RBM47: variants seen among roughly 807,000 people sequenced by gnomAD.
RBM47 encodes RNA-binding protein 47.
In RBM47, 21 loss-of-function variants were observed where a neutral mutation model predicts 47.1. The observed-to-expected ratio is 0.45, with a 90% CI of 0.32 to 0.64. The LOEUF (loss-of-function observed/expected upper bound fraction) is 0.64. RBM47 is among the 30% of genes least tolerant of loss of function. The pLI, the probability that RBM47 is intolerant of heterozygous loss-of-function variation, is 0.05. For missense variants in RBM47, 708 were observed against 870.9 expected (o/e 0.81, Z 2.35); for synonymous variants, 375 against 361.7 (o/e 1.04, Z -0.42).
At chr4:40,577,247 G>A (rs1046745573) in intron 1 of RBM47, among the ~76,000 whole-genome samples, 8 of 152,170 alleles carry the variant, frequency 5.3e-5, no homozygotes, top group Non-Finnish European at 7.3e-5. Context: ...TTCTGGGAAA[G>A]GGGCTGAACC....
intron 2 of RBM47, among the ~76,000 whole-genome samples, chr4:40,488,761 G>A (rs1470625622): frequency 6.6e-6 from 1 of 152,128 alleles, no homozygotes; most frequent in Admixed American, 6.5e-5. Context: ...CTCAGCAAAG[G>A]CCCATCTGAC....
intron 1 of RBM47, among the ~76,000 whole-genome samples, chr4:40,567,142 T>G (rs1490361085): frequency 6.6e-6 from 1 of 151,948 alleles, no homozygotes; most frequent in Non-Finnish European, 1.5e-5. Context: ...AATTAAGATT[T>G]GAGCCCAAAT....
upstream of RBM47, chr4:40,630,780 T>C (rs560176960): frequency 6.6e-6 from 1 of 152,156 alleles, no homozygotes; most frequent in African/African-American, 2.4e-5. Flanking sequence ...CCGCCTTACC[T>C]GTTTATACAA....
At chr4:40,611,450 G>A (rs1025525586) in intron 1 of RBM47, among the ~76,000 whole-genome samples, 6 of 151,984 alleles carry the variant, frequency 3.9e-5, no homozygotes, top group Admixed American at 1.3e-4. Context: ...CACATAGGCC[G>A]GGCACGGTGG....
chr4:40,470,613 TGC>T (rs1718715582), intron 2 of RBM47, among the ~76,000 whole-genome samples: 2 of 152,244 alleles, frequency 1.3e-5, no homozygotes. Context: ...CGGAAAAAGA[TGC>T]TCCAGTCTAA....
intron 2 of RBM47, among the ~76,000 whole-genome samples, chr4:40,481,896 G>T (rs182485908): frequency 6.6e-6 from 1 of 152,124 alleles, no homozygotes; most frequent in Non-Finnish European, 1.5e-5. Flanking sequence ...TGTTGGCCAC[G>T]CTGGTCTCGA....
intron 1 of RBM47, among the ~76,000 whole-genome samples, chr4:40,600,362 C>G (rs112201615): frequency 1.3e-5 from 2 of 151,980 alleles, no homozygotes; most frequent in African/African-American, 4.8e-5. Flanking sequence ...AGGCCGGGCG[C>G]GGTGGCTCAA....
chr4:40,577,669 A>G (rs552344923), intron 1 of RBM47, among the ~76,000 whole-genome samples: 4 of 151,306 alleles, frequency 2.6e-5, no homozygotes, highest in African/African-American at 9.7e-5. Flanking sequence ...GTCTGGGATA[A>G]GCTGATAGTC....
chr4:40,565,036 ACT>A (rs549453367), intron 1 of RBM47, among the ~76,000 whole-genome samples: 128 of 152,150 alleles, frequency 8.4e-4, no homozygotes, highest in Admixed American at 2.0e-3. Context: ...CTAAGGAAAC[ACT>A]CTATCCAGTC....
chr4:40,560,439 T>A (rs1410619831), intron 1 of RBM47, among the ~76,000 whole-genome samples: 4 of 151,032 alleles, frequency 2.6e-5, no homozygotes, highest in South Asian at 4.2e-4. Flanking sequence ...CAGGTGCATT[T>A]AAAAAAAAAA....
intron 1 of RBM47, among the ~76,000 whole-genome samples, chr4:40,581,915 C>T (rs1217792412): frequency 6.6e-6 from 1 of 152,186 alleles, no homozygotes; most frequent in Non-Finnish European, 1.5e-5. Flanking sequence ...CTCACCATAT[C>T]CAATGCTGAC....
intron 4 of RBM47, chr4:40,436,938 C>CTA: frequency 6.1e-6 from 3 of 494,604 alleles, no homozygotes; most frequent in Non-Finnish European, 1.2e-5. Context: ...CCCCCTCCCC[C>CTA]CCGCCAAAAA....
At chr4:40,523,569 T>C (rs1726417595) in intron 2 of RBM47, among the ~76,000 whole-genome samples, 1 of 151,934 alleles carries the variant, frequency 6.6e-6, no homozygotes, top group Non-Finnish European at 1.5e-5. Context: ...GAGAATTGCT[T>C]GAACCCAGGA....
chr4:40,430,188 C>G (rs1012406080), intron 6 of RBM47, among the ~76,000 whole-genome samples: 2 of 150,850 alleles, frequency 1.3e-5, no homozygotes, highest in African/African-American at 4.9e-5. Flanking sequence ...GAGCGAGACA[C>G]CGTCGCAAAA....
At chr4:40,505,224 C>T (rs995054145) in intron 2 of RBM47, among the ~76,000 whole-genome samples, 1 of 151,984 alleles carries the variant, frequency 6.6e-6, no homozygotes, top group Non-Finnish European at 1.5e-5. Flanking sequence ...CACTGTGGCT[C>T]ACGTCTGTAA....
chr4:40,614,666 C>A (rs1736558297), intron 1 of RBM47, among the ~76,000 whole-genome samples: 1 of 150,210 alleles, frequency 6.7e-6, no homozygotes, highest in Non-Finnish European at 1.5e-5. Context: ...AGACCCCCAT[C>A]TCTACAAAAA....
intron 1 of RBM47, among the ~76,000 whole-genome samples, chr4:40,560,518 C>A (rs1453939131): frequency 3.3e-5 from 5 of 152,354 alleles, no homozygotes; most frequent in African/African-American, 9.6e-5. Flanking sequence ...TCCCTGCTCC[C>A]GGCAGTGCCA....
intron 1 of RBM47, among the ~76,000 whole-genome samples, chr4:40,583,318 G>A (rs1367972383): frequency 6.8e-6 from 1 of 147,550 alleles, no homozygotes; most frequent in Non-Finnish European, 1.5e-5. Context: ...GGAGGCTGAG[G>A]CACAAGAATC....
chr4:40,483,023 G>C (rs952192512), intron 2 of RBM47, among the ~76,000 whole-genome samples: 7 of 152,134 alleles, frequency 4.6e-5, no homozygotes, highest in African/African-American at 1.7e-4. Context: ...CTTTAGCTGC[G>C]ATGGATCTAT....
Sources: allele counts gnomAD v4.1 joint callset (sites outside exome capture counted in the v4.1 genomes callset), GRCh38; gene constraint gnomAD v4.1.1; transcripts MANE v1.5; gene names NCBI Gene and HGNC (gene_info 2026-07-23, HGNC 2026-07-21).